The following IFI16 variants were observed in gnomAD, a reference collection of about 807,000 sequenced individuals.
IFI16 encodes gamma-interferon-inducible protein 16.
In IFI16, 49 loss-of-function variants were observed where a neutral mutation model predicts 68.4. The ratio of observed to expected loss-of-function variants is 0.72; its 90% CI spans 0.57 to 0.91. IFI16 has a LOEUF of 0.91. Ranked by LOEUF, IFI16 falls within the 40% of genes least tolerant of loss-of-function variation. IFI16 has a pLI of 0.00. For synonymous variants in IFI16, 307 were observed against 315.0 expected, an observed-to-expected ratio of 0.97 and a Z score of 0.27; for missense variants, 878 against 942.9, an observed-to-expected ratio of 0.93 and a Z score of 0.90.
intron 1 of IFI16, among the ~76,000 whole-genome samples, chr1:159,011,664 T>TACC (rs1193428915): frequency 4.3e-5 from 2 of 47,006 alleles, no homozygotes; most frequent in East Asian, 7.4e-4. Flanking sequence ...TTGAAACTTT[T>TACC]ATCATGTGGT....
Position 159,055,029 on chromosome 1 carries a change from T to C in IFI16, c.*128T>C, listed in dbSNP as rs1018728279. 5.1e-5 allele frequency: 22 copies of C among 433,104 alleles called. No homozygotes were observed. The highest frequency in any genetic ancestry group is 8.0e-5 in the Non-Finnish European group (19 of 237,170). The allele number at this position is 433,104 out of a possible 1,614,324, so 26.8% of individuals were successfully genotyped here. ...CCATATATACTAGCTGTTAATCCTA[T>C]GGAATGGGGTATTGGGAGTGCTTTT... On this transcript the variant is annotated 3_prime_UTR_variant, in exon 12 of 12. Coordinates refer to ENST00000295809, the MANE Select transcript of IFI16 (RefSeq NM_001376587.1).
chr1:159,000,077 C>G (rs1448993620), exon 1 of IFI16: 1 of 161,676 alleles, frequency 6.2e-6, no homozygotes, highest in Non-Finnish European at 1.4e-5. Context: ...CTGCTCTTCC[C>G]GAAGACATTT....
upstream of IFI16, among the ~76,000 whole-genome samples, chr1:159,003,343 A>T (rs1652128391): frequency 6.6e-6 from 1 of 152,210 alleles, no homozygotes. Flanking sequence ...TAGACAATAG[A>T]TGTATTTTTA....
chr1:159,013,370 G>A (rs545880618), intron 1 of IFI16, among the ~76,000 whole-genome samples: 80 of 151,866 alleles, frequency 5.3e-4, no homozygotes, highest in African/African-American at 1.8e-3. Context: ...AGGTCTCACT[G>A]TGTTAGCCAG....
At chr1:159,043,739 G>C (rs1300457938) in intron 7 of IFI16, among the ~76,000 whole-genome samples, 2 of 152,090 alleles carry the variant, frequency 1.3e-5, no homozygotes, top group Non-Finnish European at 2.9e-5. Context: ...GGGTAGGGTA[G>C]AGGAGGATTT....
rs1655577027 is a variant in IFI16, at chr1:159,054,755, T to C, written c.2278-66T>C. On this transcript the variant is annotated intron_variant, in intron 11 of 11. Coordinates refer to ENST00000295809, the MANE Select transcript of IFI16 (RefSeq NM_001376587.1). ...TGCAGGGGGAGGAGATACAGTGTGA[T>C]TGAAGGGAGAAATGTAGGATCATCA... The C allele has an allele frequency of 5.1e-6, 4 of 782,174 alleles. No homozygotes were observed. In the Admixed American group the frequency reaches 6.0e-5, roughly 12 times the overall value. The allele number at this position is 782,174 out of a possible 1,614,324, so 48.5% of individuals were successfully genotyped here. A position where few individuals can be genotyped will look rare whatever the true frequency, so the allele number is the denominator to read the frequency against.
At chr1:159,001,687 G>T (rs936396341), upstream of IFI16, among the ~76,000 whole-genome samples, 3 of 152,054 alleles carry the variant, frequency 2.0e-5, no homozygotes, top group Non-Finnish European at 4.4e-5. Context: ...TTATCTATAA[G>T]AATGCAACCC....
At chr1:159,050,751 G>T (rs942050578) in intron 9 of IFI16, among the ~76,000 whole-genome samples, 3 of 151,988 alleles carry the variant, frequency 2.0e-5, no homozygotes, top group Admixed American at 1.3e-4. Context: ...GGAGGTTAAA[G>T]AAAAGTCCCC....
At chr1:159,017,087 T>C (rs1421327940) in intron 4 of IFI16, among the ~76,000 whole-genome samples, 1 of 152,230 alleles carries the variant, frequency 6.6e-6, no homozygotes, top group Non-Finnish European at 1.5e-5. Context: ...CTCTTTTTCT[T>C]GTAGATTAAA....
intron 6 of IFI16, 86 bp from the exon 7 acceptor site, chr1:159,032,437 TA>T: frequency 1.3e-6 from 1 of 783,076 alleles, no homozygotes; most frequent in Non-Finnish European, 1.9e-6. Flanking sequence ...TATTAAAATC[TA>T]ATAAAGGATG....
At chr1:159,005,726 A>G (rs1385469492), upstream of IFI16, among the ~76,000 whole-genome samples, 1 of 152,202 alleles carries the variant, frequency 6.6e-6, no homozygotes, top group East Asian at 1.9e-4. Context: ...CTTAAATTGA[A>G]TTGTAGGAGG....
At chr1:159,032,367 T>A (rs1158611052) in intron 6 of IFI16, 157 bp from the exon 7 acceptor site, 4 of 426,690 alleles carry the variant, frequency 9.4e-6, no homozygotes, top group Non-Finnish European at 1.6e-5. Flanking sequence ...AAAAAAAATA[T>A]TCTGACAATT....
At chr1:159,039,905 A>C (rs1408877164) in intron 7 of IFI16, among the ~76,000 whole-genome samples, 1 of 152,240 alleles carries the variant, frequency 6.6e-6, no homozygotes, top group Non-Finnish European at 1.5e-5. Context: ...TGCCTCTTCA[A>C]AGGTGTATTT....
chr1:159,004,788 T>A (rs1189588959), upstream of IFI16, among the ~76,000 whole-genome samples: 4 of 152,264 alleles, frequency 2.6e-5, no homozygotes, highest in South Asian at 4.1e-4. Context: ...ATAAATTATA[T>A]CAAGGGAAAT....
chr1:159,021,295 T>C (rs901536092), intron 6 of IFI16, among the ~76,000 whole-genome samples: 7 of 152,176 alleles, frequency 4.6e-5, no homozygotes, highest in African/African-American at 1.4e-4. Context: ...GTATCATTCT[T>C]ATGCCTTTGT....
At chr1:159,015,833 T>C (rs1268574142) in intron 2 of IFI16, 39 bp from the exon 3 acceptor site, 2 of 1,466,260 alleles carry the variant, frequency 1.4e-6, no homozygotes, top group African/African-American at 2.8e-5. Flanking sequence ...GTCTTCCTTT[T>C]TTCTGCATTG....
Position 159,020,518 on chromosome 1 carries a change from A to G in IFI16, c.1150A>G (p.Ser384Gly). The G allele has an allele frequency of 6.2e-7, 1 of 1,606,144 alleles. No homozygotes were observed. Among genetic ancestry groups the G allele is most frequent in the East Asian group, 2.2e-5 (1 of 44,800 alleles). The change falls in exon 6 of 12, where the codon AGT becomes GGT. Residue 384 changes from serine (S) to glycine (G), a missense_variant. Coordinates refer to ENST00000295809, the MANE Select transcript of IFI16 (RefSeq NM_001376587.1). The stretch of plus-strand genomic sequence containing the variant: ...GTCAAAACTGATTTCAGAAATGCAT[A>G]GTTTTATCCAGGTAAGAATTAAATA... ...QMSKLISEMH[S>G]FIQIKKKTNP...
chr1:159,046,168 T>A (rs1654972305), intron 8 of IFI16, among the ~76,000 whole-genome samples: 1 of 151,314 alleles, frequency 6.6e-6, no homozygotes, highest in South Asian at 2.1e-4. Flanking sequence ...TTGTTTCTAG[T>A]ATTCTGTGAA....
In IFI16 at chr1:159,019,780, A is replaced by C. The variant is rs967348008; in HGVS notation, c.973-561A>C. 2.6e-5 allele frequency among the ~76,000 whole-genome samples: 4 copies of C among 152,160 alleles called. No homozygotes were observed. The East Asian group carries it at 7.7e-4, about 29-fold the overall frequency. On this transcript the variant is annotated intron_variant, in intron 5 of 11. Coordinates refer to ENST00000295809, the MANE Select transcript of IFI16 (RefSeq NM_001376587.1). ...GGCCTATATACACACTCTTAAAGAGATGATTCTTACAAATCCAGTTCTAGG... is the reference window on the plus strand; with the variant it reads ...GGCCTATATACACACTCTTAAAGAGCTGATTCTTACAAATCCAGTTCTAGG...
Sources: gnomAD v4.1 joint callset for allele counts (sites outside exome capture counted in the v4.1 genomes callset) on GRCh38, gnomAD v4.1.1 for gene constraint, MANE v1.5 for transcripts, NCBI Gene and HGNC (gene_info 2026-07-23, HGNC 2026-07-21) for gene names.